The following FAM149B1 variants were observed in gnomAD, a reference collection of about 807,000 sequenced individuals.
FAM149B1 encodes the protein primary cilium assembly protein FAM149B1.
A neutral mutation model predicts 75.3 loss-of-function variants in FAM149B1; 56 were observed. The observed-to-expected ratio is 0.74, with a 90% CI of 0.60 to 0.93. FAM149B1 has a LOEUF of 0.93. Among genes scored for constraint, FAM149B1 ranks in the 40% least tolerant of loss-of-function variants. The pLI is 0.00. For missense variants in FAM149B1, 639 were observed against 708.4 expected (o/e 0.90, Z 1.11); for synonymous variants, 259 against 256.1 (o/e 1.01, Z -0.11).
intron 5 of FAM149B1, among the ~76,000 whole-genome samples, chr10:73,203,833 G>A (rs1156660061): frequency 6.6e-6 from 1 of 151,934 alleles, no homozygotes; most frequent in Non-Finnish European, 1.5e-5. Context: ...CAGAAACCAA[G>A]TTTCACCATG....
chr10:73,201,080 G>A (rs1433042648), intron 5 of FAM149B1: 1 of 276,552 alleles, frequency 3.6e-6, no homozygotes, highest in South Asian at 4.8e-5. Flanking sequence ...AACTGTATTC[G>A]CAGAATTGGC....
At position 73,241,862 on chromosome 10, in the gene FAM149B1, G is replaced by A. The variant is rs1288433911; in HGVS notation, c.*843G>A. ...TTAAGAAACCCTGGCAATTAATTCA[G>A]CATAAACATATCCTATAAACAGCAG... On this transcript the variant is annotated 3_prime_UTR_variant, in exon 14 of 14. Transcript: ENST00000242505. The A allele has an allele frequency of 6.6e-6, 1 of 152,144 alleles. No homozygotes were observed. Among genetic ancestry groups the A allele is most frequent in the Admixed American group, 6.5e-5 (1 of 15,276 alleles). 9.4% of individuals were successfully genotyped at this position (152,144 alleles called of 1,614,324 possible).
intron 1 of FAM149B1, among the ~76,000 whole-genome samples, chr10:73,171,630 C>CTTT (rs11351703): frequency 1.5e-5 from 2 of 137,462 alleles, no homozygotes; most frequent in Admixed American, 7.2e-5. Context: ...CCTTTTCTTT[C>CTTT]TTTTTTTTTT....
intron 6 of FAM149B1, among the ~76,000 whole-genome samples, chr10:73,209,175 G>A (rs915574746): frequency 8.5e-5 from 13 of 152,288 alleles, no homozygotes; most frequent in South Asian, 8.3e-4. Context: ...CAGGCTGGGC[G>A]CGGTGGCTCA....
chr10:73,235,046 A>G lies in FAM149B1; in HGVS notation c.1476+106A>G, dbSNP rs1450926756. 21 of 1,474,874 alleles carry G rather than the reference A, an allele frequency of 1.4e-5. No individual in the cohort carries two copies. The East Asian group carries it at 4.2e-4, about 30-fold the overall frequency. The allele number at this position is 1,474,874 out of a possible 1,614,324, so 91.4% of individuals were successfully genotyped here. A position where few individuals can be genotyped will look rare whatever the true frequency, so the allele number is the denominator to read the frequency against. On this transcript the variant is annotated intron_variant, in intron 11 of 13. Transcript: ENST00000242505. ...TCTTGATTTATACTGTGTTTTGTCA[A>G]AAGTACAAACACAGTGCTAATTTAT...
Position 73,168,308 on chromosome 10 carries a change from T to TGAGGAGGAGGAGGAGGAG in FAM149B1, c.-17_1dup, listed in dbSNP as rs762316170. The stretch of plus-strand genomic sequence containing the variant: ...CTGGCGTGCCTGCCCCGGCCGCGGC[T>TGAGGAGGAGGAGGAGGAG]GAGGAGGAGGAGGAGGAGGAGGAGG... On this transcript the variant is annotated 5_prime_UTR_variant, in exon 1 of 14. Coordinates refer to ENST00000242505, the MANE Select transcript of FAM149B1 (RefSeq NM_173348.2). 2 of 1,532,824 alleles carry TGAGGAGGAGGAGGAGGAG rather than the reference T, an allele frequency of 1.3e-6. No homozygotes were observed. Among genetic ancestry groups the TGAGGAGGAGGAGGAGGAG allele is most frequent in the Admixed American group, 2.0e-5 (1 of 50,308 alleles). The allele number at this position is 1,532,824 out of a possible 1,614,324, so 95.0% of individuals were successfully genotyped here. A position where few individuals can be genotyped will look rare whatever the true frequency, so the allele number is the denominator to read the frequency against.
intron 7 of FAM149B1, among the ~76,000 whole-genome samples, chr10:73,211,323 C>T (rs2043182251): frequency 6.6e-6 from 1 of 152,182 alleles, no homozygotes. Context: ...GTTCCCCTGC[C>T]AACCACTATC....
chr10:73,195,772 T>A (rs1018098740), intron 5 of FAM149B1, among the ~76,000 whole-genome samples: 1 of 152,216 alleles, frequency 6.6e-6, no homozygotes, highest in Non-Finnish European at 1.5e-5. Context: ...TCCTGGGATA[T>A]TTGACTTACA....
chr10:73,230,240 AC>A, intron 8 of FAM149B1, 181 bp from the exon 9 acceptor site: 1 of 522,290 alleles, frequency 1.9e-6, no homozygotes, highest in Non-Finnish European at 3.5e-6. Context: ...GAAAGGAGGG[AC>A]CCTATCACAT....
At chr10:73,239,641 T>C (rs759076974) in intron 13 of FAM149B1, among the ~76,000 whole-genome samples, 9 of 151,278 alleles carry the variant, frequency 5.9e-5, no homozygotes, top group Non-Finnish European at 1.3e-4. Context: ...CTCACTACTT[T>C]GGTAAACTGC....
intron 8 of FAM149B1, among the ~76,000 whole-genome samples, chr10:73,228,693 G>C (rs1413860897): frequency 6.6e-6 from 1 of 152,074 alleles, no homozygotes; most frequent in Non-Finnish European, 1.5e-5. Flanking sequence ...CGCCTCCCAG[G>C]TTCAACCAGT....
chr10:73,243,719 A>G lies in FAM149B1; in HGVS notation c.*2700A>G. On this transcript the variant is annotated 3_prime_UTR_variant, in exon 14 of 14. Transcript: ENST00000242505. The stretch of plus-strand genomic sequence containing the variant: ...TAAAACCACCAAATTGTACACTTTA[A>G]AAGGACAAATAGAAGGTATGCGGTT... The G allele has an allele frequency of 8.9e-7, 1 of 1,119,788 alleles. No individual in the cohort carries two copies. The highest frequency in any genetic ancestry group is 1.3e-6 in the Non-Finnish European group (1 of 780,426). The allele number at this position is 1,119,788 out of a possible 1,614,324, so 69.4% of individuals were successfully genotyped here. A position where few individuals can be genotyped will look rare whatever the true frequency, so the allele number is the denominator to read the frequency against.
At chr10:73,214,250 C>A (rs974891282) in intron 7 of FAM149B1, among the ~76,000 whole-genome samples, 3 of 152,172 alleles carry the variant, frequency 2.0e-5, no homozygotes, top group Admixed American at 1.3e-4. Flanking sequence ...TAAGATCATA[C>A]CATCAGCAAA....
rs752623832 is a variant in FAM149B1, at chr10:73,210,411, CGTA to C, written c.874_876del (p.Ser292del). Reference sequence around the variant, plus strand: ...TGTGAGCTGTATGGAGCAGTTGACACGTAGTCACTGGGAAGGATTTGCCTCTGG... The same window carrying C: ...TGTGAGCTGTATGGAGCAGTTGACACGTCACTGGGAAGGATTTGCCTCTGG... On this transcript the variant is annotated inframe_deletion, in exon 7 of 14. Coordinates refer to ENST00000242505, the MANE Select transcript of FAM149B1 (RefSeq NM_173348.2). 3 of 1,542,264 alleles carry C rather than the reference CGTA, an allele frequency of 1.9e-6. No individual in the cohort carries two copies. Among genetic ancestry groups the C allele is most frequent in the African/African-American group, 2.8e-5 (2 of 72,662 alleles).
chr10:73,237,859 G>A (rs12776324), intron 12 of FAM149B1, among the ~76,000 whole-genome samples: 18 of 152,120 alleles, frequency 1.2e-4, no homozygotes, highest in Non-Finnish European at 2.4e-4. Flanking sequence ...AAGTAGCTGG[G>A]ATTACAGGTG....
At chr10:73,208,937 T>C (rs544994735) in intron 6 of FAM149B1, among the ~76,000 whole-genome samples, 151 bp downstream of exon 6, 3 of 152,350 alleles carry the variant, frequency 2.0e-5, no homozygotes, top group South Asian at 2.1e-4. Context: ...CCAGAATTTA[T>C]GTTCTTATTG....
At chr10:73,204,517 AC>A (rs1333854356) in intron 5 of FAM149B1, among the ~76,000 whole-genome samples, 3 of 152,228 alleles carry the variant, frequency 2.0e-5, no homozygotes, top group Non-Finnish European at 4.4e-5. Flanking sequence ...GTTATATTTA[AC>A]ATTTGGTTAA....
At chr10:73,224,662 G>A (rs2043495381) in intron 7 of FAM149B1, among the ~76,000 whole-genome samples, 1 of 151,764 alleles carries the variant, frequency 6.6e-6, no homozygotes, top group African/African-American at 2.4e-5. Flanking sequence ...AGTAGAGATG[G>A]GGTTTCACTA....
At chr10:73,176,441 A>G (rs1205455032) in intron 2 of FAM149B1, among the ~76,000 whole-genome samples, 1 of 152,198 alleles carries the variant, frequency 6.6e-6, no homozygotes, top group African/African-American at 2.4e-5. Flanking sequence ...GAGATAATGT[A>G]TGTAAAACTT....
Sources: allele counts gnomAD v4.1 joint callset (sites outside exome capture counted in the v4.1 genomes callset), GRCh38; gene constraint gnomAD v4.1.1; transcripts MANE v1.5; gene names NCBI Gene and HGNC (gene_info 2026-07-23, HGNC 2026-07-21).